The following RBMS3 variants were observed in gnomAD, a reference collection of about 807,000 sequenced individuals.
RBMS3 encodes RNA binding motif single stranded interacting protein 3.
RBMS3 carries 27 observed loss-of-function variants against 66.8 expected under a neutral mutation model. The ratio of observed to expected loss-of-function variants is 0.40; its 90% CI spans 0.30 to 0.56. The LOEUF is 0.56. Ranked by LOEUF, RBMS3 falls within the 20% of genes least tolerant of loss-of-function variation. The pLI is 0.40. For missense variants in RBMS3, 513 were observed against 549.5 expected, an observed-to-expected ratio of 0.93 and a Z score of 0.66; for synonymous variants, 188 against 183.0, an observed-to-expected ratio of 1.03 and a Z score of -0.22.
chr3:29,642,352 C>G (rs2049749168), intron 4 of RBMS3, among the ~76,000 whole-genome samples: 1 of 152,064 alleles, frequency 6.6e-6, no homozygotes, highest in South Asian at 2.1e-4. Flanking sequence ...TTTCTTAAAA[C>G]AAATTGATCA....
chr3:29,615,325 C>T (rs913333333), intron 4 of RBMS3: 1 of 152,140 alleles, frequency 6.6e-6, no homozygotes, highest in Non-Finnish European at 1.5e-5. Flanking sequence ...GGGTTCAGGT[C>T]TCCTGTCTGT....
At chr3:29,759,998 T>G (rs2055599047) in intron 5 of RBMS3, among the ~76,000 whole-genome samples, 1 of 152,094 alleles carries the variant, frequency 6.6e-6, no homozygotes, top group Admixed American at 6.6e-5. Flanking sequence ...CAGCAGACAT[T>G]CACTTAGTTA....
At chr3:29,498,765 G>T (rs1472241080) in intron 3 of RBMS3, among the ~76,000 whole-genome samples, 1 of 152,106 alleles carries the variant, frequency 6.6e-6, no homozygotes, top group Non-Finnish European at 1.5e-5. Flanking sequence ...ATGTTTCTAT[G>T]GCCTTGGACT....
intron 10 of RBMS3, among the ~76,000 whole-genome samples, chr3:29,901,041 TG>T: frequency 6.6e-6 from 1 of 151,906 alleles, no homozygotes; most frequent in Admixed American, 6.6e-5. Context: ...ATAAAATATA[TG>T]TAGTTTACCA....
intron 4 of RBMS3, among the ~76,000 whole-genome samples, chr3:29,725,110 A>C (rs1271194689): frequency 6.6e-6 from 1 of 152,224 alleles, no homozygotes; most frequent in Non-Finnish European, 1.5e-5. Context: ...TAGTGTTGTG[A>C]CCACGAGTAC....
chr3:29,761,703 G>T (rs1469306441), intron 5 of RBMS3, among the ~76,000 whole-genome samples: 1 of 152,066 alleles, frequency 6.6e-6, no homozygotes, highest in Non-Finnish European at 1.5e-5. Flanking sequence ...ATATGGCCAT[G>T]TAATATGGTC....
intron 1 of RBMS3, among the ~76,000 whole-genome samples, chr3:29,303,266 T>C (rs550903276): frequency 6.6e-6 from 1 of 152,056 alleles, no homozygotes; most frequent in Admixed American, 6.6e-5. Flanking sequence ...CAACCTTCCA[T>C]TGGTGTCTGA....
intron 1 of RBMS3, among the ~76,000 whole-genome samples, chr3:29,320,749 A>G (rs2034958912): frequency 3.3e-5 from 5 of 152,072 alleles, no homozygotes; most frequent in Admixed American, 1.3e-4. Context: ...AAGAATTTGA[A>G]TAAATAACTG....
chr3:29,448,461 G>A (rs1196503393), intron 2 of RBMS3, among the ~76,000 whole-genome samples: 1 of 152,190 alleles, frequency 6.6e-6, no homozygotes, highest in Non-Finnish European at 1.5e-5. Flanking sequence ...CTGCCTCTGT[G>A]TGCGACTCTT....
chr3:29,664,249 G>A (rs563091813), intron 4 of RBMS3, among the ~76,000 whole-genome samples: 1 of 152,210 alleles, frequency 6.6e-6, no homozygotes, highest in East Asian at 1.9e-4. Flanking sequence ...CAACACTTTT[G>A]GAGGCCAAGG....
chr3:29,745,482 T>C (rs1302962313), intron 5 of RBMS3, among the ~76,000 whole-genome samples: 2 of 152,096 alleles, frequency 1.3e-5, no homozygotes, highest in Non-Finnish European at 2.9e-5. Flanking sequence ...GTGTTCATGT[T>C]ATCCATTTCC....
intron 2 of RBMS3, among the ~76,000 whole-genome samples, chr3:29,447,963 A>G (rs549678115): frequency 4.6e-5 from 7 of 152,300 alleles, no homozygotes; most frequent in East Asian, 1.9e-4. Context: ...TTTACCTGCA[A>G]AACTGAGCCT....
intron 1 of RBMS3, among the ~76,000 whole-genome samples, chr3:29,344,876 G>T (rs1198554122): frequency 6.6e-6 from 1 of 152,128 alleles, no homozygotes; most frequent in African/African-American, 2.4e-5. Context: ...AACTTCTTCA[G>T]AAAAGACAGT....
intron 4 of RBMS3, among the ~76,000 whole-genome samples, chr3:29,737,901 G>A (rs78881581): frequency 1.5e-5 from 2 of 134,480 alleles, no homozygotes; most frequent in Non-Finnish European, 3.2e-5. Context: ...AGAAAGAGAG[G>A]GAGATTAACT....
chr3:29,969,115 T>A (rs1433615575), intron 12 of RBMS3, among the ~76,000 whole-genome samples: 2 of 152,208 alleles, frequency 1.3e-5, no homozygotes, highest in East Asian at 3.9e-4. Context: ...AAATGGATAG[T>A]CAAATATCAA....
At chr3:29,433,445 A>G (rs1418166163) in intron 1 of RBMS3, among the ~76,000 whole-genome samples, 1 of 152,208 alleles carries the variant, frequency 6.6e-6, no homozygotes, top group African/African-American at 2.4e-5. Context: ...ATATTACTAC[A>G]AGACAGATAC....
At chr3:29,322,678 G>A (rs2035077193) in intron 1 of RBMS3, among the ~76,000 whole-genome samples, 1 of 151,790 alleles carries the variant, frequency 6.6e-6, no homozygotes, top group Non-Finnish European at 1.5e-5. Context: ...CAGGAAAGAT[G>A]GCATATAAGA....
rs1255613945 is a variant in RBMS3, at chr3:29,488,512, G to A, written c.307+13G>A. 1 of 1,605,014 alleles carries A rather than the reference G, an allele frequency of 6.2e-7. No homozygotes were observed. Among genetic ancestry groups the A allele is most frequent in the Non-Finnish European group, 8.5e-7 (1 of 1,172,522 alleles). On this transcript the variant is annotated intron_variant, in intron 3 of 14. Coordinates refer to ENST00000383767, the MANE Select transcript of RBMS3 (RefSeq NM_001003793.3). ...AATCAGTGCAAAGGTATGTGTAAGG[G>A]CATCCGTACCCTGAAATCTTGCCTA...
intron 2 of RBMS3, among the ~76,000 whole-genome samples, chr3:29,472,522 C>T (rs984532393): frequency 6.6e-6 from 1 of 152,138 alleles, no homozygotes; most frequent in Non-Finnish European, 1.5e-5. Flanking sequence ...GCCGTGGACC[C>T]TCGCTGTGAG....
Sources: gnomAD v4.1 joint callset for allele counts (sites outside exome capture counted in the v4.1 genomes callset) on GRCh38, gnomAD v4.1.1 for gene constraint, MANE v1.5 for transcripts, NCBI Gene and HGNC (gene_info 2026-07-23, HGNC 2026-07-21) for gene names.